CWH43: variants seen among roughly 807,000 people sequenced by gnomAD.
CWH43 encodes the protein PGAP2-interacting protein.
CWH43 carries 91 observed loss-of-function variants against 85.7 expected under a neutral mutation model. The observed-to-expected ratio is 1.06, with a 90% CI of 0.90 to 1.26. CWH43 has a LOEUF of 1.26. CWH43 is among the 50% of genes most tolerant of loss of function. CWH43 has a pLI of 0.00. For missense variants in CWH43, 869 were observed against 839.2 expected (o/e 1.04, Z -0.44); for synonymous variants, 323 against 293.6 (o/e 1.10, Z -1.02).
At chr4:49,044,194 T>C (rs1784551476) in intron 13 of CWH43, among the ~76,000 whole-genome samples, 1 of 152,168 alleles carries the variant, frequency 6.6e-6, no homozygotes, top group South Asian at 2.1e-4. Flanking sequence ...CTTTGATGAA[T>C]AATAACCCTG....
chr4:49,016,997 C>T, intron 8 of CWH43: 1 of 777,530 alleles, frequency 1.3e-6, no homozygotes, highest in Non-Finnish European at 2.4e-6. Flanking sequence ...GATCTAGCTT[C>T]TGCTGGGTGA....
In CWH43 at chr4:48,986,303, A is replaced by T; in HGVS notation, c.-127A>T. On this transcript the variant is annotated 5_prime_UTR_variant, in exon 1 of 16. Transcript: ENST00000226432. ...TGGCTGGGGCTCACTTGGCAACGGG[A>T]CGCGGGAACGAGGGGCGCGGACGCA... 1 of 904,322 alleles carries T rather than the reference A, an allele frequency of 1.1e-6. No individual in the cohort carries two copies. Among genetic ancestry groups the T allele is most frequent in the Non-Finnish European group, 1.6e-6 (1 of 612,270 alleles). 56.0% of individuals were successfully genotyped at this position (904,322 alleles called of 1,614,324 possible). A position where few individuals can be genotyped will look rare whatever the true frequency, so the allele number is the denominator to read the frequency against.
chr4:49,016,811 A>C, intron 8 of CWH43: 2 of 777,148 alleles, frequency 2.6e-6, no homozygotes, highest in Non-Finnish European at 4.8e-6. Flanking sequence ...CTGCCAGAGC[A>C]CGGGCCACTT....
intron 7 of CWH43, among the ~76,000 whole-genome samples, chr4:49,006,648 G>A (rs897755364): frequency 4.6e-5 from 7 of 152,284 alleles, no homozygotes; most frequent in African/African-American, 1.4e-4. Flanking sequence ...TTAAGTGTAA[G>A]CTAGTTTGTT....
chr4:49,043,013 G>A (rs1784512978), intron 13 of CWH43, among the ~76,000 whole-genome samples: 1 of 152,080 alleles, frequency 6.6e-6, no homozygotes, highest in Non-Finnish European at 1.5e-5. Context: ...CAGGCGTCTG[G>A]GCCCTGGTGC....
intron 7 of CWH43, among the ~76,000 whole-genome samples, chr4:49,004,915 T>A (rs1415394796): frequency 1.3e-5 from 2 of 152,172 alleles, no homozygotes; most frequent in African/African-American, 4.8e-5. Context: ...ATTTTAAAAA[T>A]TGGCTTCTGG....
At position 49,003,957 on chromosome 4, in the gene CWH43, G is replaced by C; in HGVS notation, c.1025G>C (p.Gly342Ala). 1.2e-6 allele frequency: 2 copies of C among 1,613,156 alleles called. No individual in the cohort carries two copies. Among genetic ancestry groups the C allele is most frequent in the South Asian group, 2.2e-5 (2 of 91,076 alleles). Residue 342 changes from glycine (G) to alanine (A), a missense_variant, in exon 7 of 16, where the codon GGT becomes GCT. Gly to Ala is a moderately conservative substitution (Grantham distance 60). Coordinates refer to ENST00000226432, the MANE Select transcript of CWH43 (RefSeq NM_025087.3). ...ACAGCTTTTAAGTTTGTCCCAGGAG[G>C]TGTCTACGCTAGAGAAAGATCAGAT... is the stretch of plus-strand genomic sequence containing the variant. ...WCTAFKFVPGGVYARERSDVL... is the reference protein window; with the variant it reads ...WCTAFKFVPGAVYARERSDVL...
At chr4:49,025,610 T>C (rs1577684324) in intron 9 of CWH43, among the ~76,000 whole-genome samples, 1 of 152,156 alleles carries the variant, frequency 6.6e-6, no homozygotes, top group South Asian at 2.1e-4. Context: ...TGAACTGCAG[T>C]GATTATTTCT....
intron 8 of CWH43, among the ~76,000 whole-genome samples, chr4:49,008,731 A>G (rs1209424902): frequency 6.6e-6 from 1 of 152,222 alleles, no homozygotes; most frequent in African/African-American, 2.4e-5. Flanking sequence ...TTAAATAGGG[A>G]ACCCTTTCCT....
In CWH43 at chr4:49,029,675, C is replaced by T. The variant is rs765847321; in HGVS notation, c.1372+941C>T. On this transcript the variant is annotated intron_variant, in intron 10 of 15. Transcript: ENST00000226432. The stretch of plus-strand genomic sequence containing the variant: ...GTTCTATTCTGAGATAGGAGAAAAC[C>T]GCCCTGTGGCTGGAGGTGAGATATG... Among the ~76,000 whole-genome samples, 5 of 152,288 alleles carry T rather than the reference C, an allele frequency of 3.3e-5. No homozygotes were observed. The East Asian group carries it at 5.8e-4, about 18-fold the overall frequency.
chr4:49,015,309 T>A (rs1292734558), intron 8 of CWH43, among the ~76,000 whole-genome samples: 1 of 152,094 alleles, frequency 6.6e-6, no homozygotes, highest in Non-Finnish European at 1.5e-5. Flanking sequence ...CTTTCTAGTT[T>A]GGAAATTATA....
chr4:49,015,227 C>T (rs1209888671), intron 8 of CWH43, among the ~76,000 whole-genome samples: 1 of 150,818 alleles, frequency 6.6e-6, no homozygotes, highest in East Asian at 1.9e-4. Context: ...TATGTTTTTT[C>T]CTTTTTCTTT....
Position 49,028,770 on chromosome 4 carries a change from A to G in CWH43, c.1372+36A>G, listed in dbSNP as rs779769544. 6.8e-6 allele frequency: 9 copies of G among 1,332,800 alleles called. No individual in the cohort carries two copies. In the South Asian group the frequency reaches 1.1e-4, roughly 16 times the overall value. 82.6% of individuals were successfully genotyped at this position (1,332,800 alleles called of 1,614,324 possible). A position where few individuals can be genotyped will look rare whatever the true frequency, so the allele number is the denominator to read the frequency against. On this transcript the variant is annotated intron_variant, in intron 10 of 15. Coordinates refer to ENST00000226432, the MANE Select transcript of CWH43 (RefSeq NM_025087.3). ...CTGGAATTAGTTCCAGGTTTTGAGA[A>G]ACTATTATTGTTACTTTTATTTTCA...
chr4:49,044,936 C>A (rs1784576856), intron 14 of CWH43, 89 bp downstream of exon 14: 3 of 1,010,320 alleles, frequency 3.0e-6, no homozygotes, highest in Non-Finnish European at 4.5e-6. Context: ...TTTATGGAAG[C>A]AATTAATTTT....
chr4:49,057,599 G>C (rs1448967028), intron 15 of CWH43, among the ~76,000 whole-genome samples: 1 of 152,134 alleles, frequency 6.6e-6, no homozygotes, highest in Non-Finnish European at 1.5e-5. Flanking sequence ...GCGGCTGTTG[G>C]GTGAAATGCT....
intron 13 of CWH43, among the ~76,000 whole-genome samples, chr4:49,043,155 A>G (rs1392305566): frequency 2.0e-5 from 3 of 152,222 alleles, no homozygotes; most frequent in African/African-American, 7.2e-5. Context: ...CAAAGTGGTG[A>G]GAGTGATATC....
chr4:49,017,042 C>T (rs1194210851), intron 8 of CWH43: 38 of 747,532 alleles, frequency 5.1e-5, no homozygotes, highest in Non-Finnish European at 8.7e-5. Context: ...AGCAAACCAC[C>T]TCAGCGTCGG....
In CWH43 at chr4:49,033,471, G is replaced by A. The variant is rs183549072; in HGVS notation, c.1658+756G>A. ...CTCTCCTTGATGGAAAGAAGAGGAC[G>A]GAAAACAGCCTGTCTGCAAACTGGC... On this transcript the variant is annotated intron_variant, in intron 12 of 15. Transcript: ENST00000226432. 1.2e-4 allele frequency among the ~76,000 whole-genome samples: 18 copies of A among 152,212 alleles called. No individual in the cohort carries two copies. In the South Asian group the frequency reaches 1.2e-3, roughly 11 times the overall value.
At chr4:49,032,525 G>A in intron 11 of CWH43, 41 bp from the exon 12 acceptor site, 1 of 1,610,806 alleles carries the variant, frequency 6.2e-7, no homozygotes, top group South Asian at 1.1e-5. Context: ...GGTAGAATGG[G>A]ACTGACAATG....
Sources: allele counts gnomAD v4.1 joint callset (sites outside exome capture counted in the v4.1 genomes callset), GRCh38; gene constraint gnomAD v4.1.1; transcripts MANE v1.5; gene names NCBI Gene and HGNC (gene_info 2026-07-23, HGNC 2026-07-21).